The following STAC variants were observed in gnomAD, a reference collection of about 807,000 sequenced individuals.
STAC encodes SH3 and cysteine-rich domain-containing protein.
Under a neutral mutation model 48.8 loss-of-function variants are expected in STAC, and 43 were observed. That is an observed-to-expected ratio of 0.88 (90% CI 0.69 to 1.14). STAC has a LOEUF of 1.14. Ranked by LOEUF, STAC falls within the 50% of genes most tolerant of loss-of-function variation. STAC has a pLI of 0.00. For missense variants in STAC, 497 were observed against 504.0 expected, an observed-to-expected ratio of 0.99 and a Z score of 0.13; for synonymous variants, 193 against 179.5, an observed-to-expected ratio of 1.07 and a Z score of -0.60.
At chr3:36,442,098 C>A (rs1263951617) in intron 1 of STAC, among the ~76,000 whole-genome samples, 1 of 152,164 alleles carries the variant, frequency 6.6e-6, no homozygotes, top group Admixed American at 6.5e-5. Context: ...GCAGATCTCA[C>A]CCCCACAGCC....
chr3:36,454,923 C>A (rs1309575469), intron 2 of STAC, among the ~76,000 whole-genome samples: 2 of 152,124 alleles, frequency 1.3e-5, no homozygotes, highest in Non-Finnish European at 2.9e-5. Context: ...TTTCTTGAAC[C>A]ACTGTGTAGA....
chr3:36,457,685 C>G (rs1194923711), intron 2 of STAC, among the ~76,000 whole-genome samples: 2 of 152,140 alleles, frequency 1.3e-5, no homozygotes, highest in African/African-American at 4.8e-5. Flanking sequence ...ATTATTAATA[C>G]CGGGATCAGG....
rs142441520 is a variant in STAC at position 36,426,111 on chromosome 3, T to C, written c.112-17253T>C. On this transcript the variant is annotated intron_variant, in intron 1 of 10. Transcript: ENST00000273183. ...AATGTATTACTGGGTTGCTCTTTCA[T>C]AGATAAAAGGAATCCAGAGCCCTCC... 1.6e-4 allele frequency among the ~76,000 whole-genome samples: 24 copies of C among 152,304 alleles called. No homozygotes were observed. In the East Asian group the frequency reaches 4.1e-3, roughly 26 times the overall value.
intron 2 of STAC, among the ~76,000 whole-genome samples, chr3:36,481,769 G>C (rs972169479): frequency 3.9e-5 from 6 of 152,148 alleles, no homozygotes; most frequent in Non-Finnish European, 8.8e-5. Context: ...CTCCTCAGTA[G>C]GCTGACAGGA....
At chr3:36,440,933 C>G (rs1026361069) in intron 1 of STAC, among the ~76,000 whole-genome samples, 17 of 152,110 alleles carry the variant, frequency 1.1e-4, no homozygotes, top group African/African-American at 3.9e-4. Flanking sequence ...TTCTTTTTCT[C>G]TTTTTAAATT....
chr3:36,519,015 G>A (rs760008117), intron 8 of STAC, among the ~76,000 whole-genome samples: 5 of 152,162 alleles, frequency 3.3e-5, no homozygotes, highest in South Asian at 2.1e-4. Flanking sequence ...TCAAAGGGAC[G>A]TGAAAGAAGC....
intron 1 of STAC, among the ~76,000 whole-genome samples, chr3:36,424,174 C>G (rs1403281564): frequency 2.0e-5 from 3 of 151,948 alleles, no homozygotes; most frequent in Admixed American, 6.6e-5. Flanking sequence ...TATCAAGTGA[C>G]TATATGGCTG....
At chr3:36,521,416 A>G (rs1028873366) in intron 8 of STAC, among the ~76,000 whole-genome samples, 2 of 152,112 alleles carry the variant, frequency 1.3e-5, no homozygotes, top group African/African-American at 2.4e-5. Flanking sequence ...ACATTTAGTG[A>G]ACATTGCCAT....
At chr3:36,431,697 T>A (rs527548566) in intron 1 of STAC, among the ~76,000 whole-genome samples, 13 of 152,308 alleles carry the variant, frequency 8.5e-5, no homozygotes, top group Admixed American at 4.6e-4. Context: ...GAGAGAGGTT[T>A]ATAAAGCACA....
At position 36,486,183 on chromosome 3, in the gene STAC, C is replaced by T; in HGVS notation, c.621C>T (p.Thr207=). 1 of 1,614,014 alleles carries T rather than the reference C, an allele frequency of 6.2e-7. No homozygotes were observed. The highest frequency in any genetic ancestry group is 8.5e-7 in the Non-Finnish European group (1 of 1,179,954). The change falls in exon 5 of 11, where the codon ACC becomes ACT. Residue 207 remains threonine, a synonymous_variant. Coordinates refer to ENST00000273183, the MANE Select transcript of STAC (RefSeq NM_003149.3). ...TCTACGAGACCCTCCGCTTCGGCAC[C>T]TCCCTGGCCCAGAGGACAAAGAAGG... is the stretch of plus-strand genomic sequence containing the variant. The part of the protein sequence containing the change: ...DPVYETLRFG[T]SLAQRTKKGS...
chr3:36,483,484 C>T (rs1341454960), intron 3 of STAC, among the ~76,000 whole-genome samples: 1 of 152,138 alleles, frequency 6.6e-6, no homozygotes, highest in East Asian at 1.9e-4. Flanking sequence ...GTGGTCAGCT[C>T]AGTGGGTAGC....
Position 36,398,604 on chromosome 3 carries a change from GGAAGGAGGGAAGGAAGAGAA to G in STAC, c.111+17851_111+17870del, listed in dbSNP as rs1284354399. On this transcript the variant is annotated intron_variant, in intron 1 of 10. Transcript: ENST00000273183. The stretch of plus-strand genomic sequence containing the variant: ...AGGAAGGAAGGAAGGAAGGAAGAAA[GGAAGGAGGGAAGGAAGAGAA>G]AAAGAGAGAGAAAGAAAGAAAGAAA... Among the ~76,000 whole-genome samples the G allele has an allele frequency of 3.0e-4, 28 of 94,672 alleles. 2 individuals are homozygous for G. Among genetic ancestry groups the G allele is most frequent in the Non-Finnish European group, 4.4e-4 (22 of 49,628 alleles). The allele number at this position is 94,672 out of a possible 152,430, so 62.1% of individuals were successfully genotyped here. A position where few individuals can be genotyped will look rare whatever the true frequency, so the allele number is the denominator to read the frequency against.
chr3:36,510,603 T>C lies in STAC; in HGVS notation c.920+4769T>C, dbSNP rs145535703. 9.5e-3 allele frequency among the ~76,000 whole-genome samples: 1,440 copies of C among 152,230 alleles called. 27 individuals are homozygous for C. The highest frequency in any genetic ancestry group is 0.033 in the African/African-American group (1,370 of 41,556). The stretch of plus-strand genomic sequence containing the variant: ...TTGGATAAAGAAAATGTTGCACATA[T>C]ACACCATGGAATACTATGCAGCCAT... On this transcript the variant is annotated intron_variant, in intron 8 of 10. Transcript: ENST00000273183.
intron 2 of STAC, among the ~76,000 whole-genome samples, chr3:36,474,722 C>T (rs985103946): frequency 6.6e-6 from 1 of 152,214 alleles, no homozygotes; most frequent in Non-Finnish European, 1.5e-5. Context: ...ATTATATACC[C>T]ATCCCAACTC....
At chr3:36,473,524 C>T (rs1173484936) in intron 2 of STAC, among the ~76,000 whole-genome samples, 1 of 152,170 alleles carries the variant, frequency 6.6e-6, no homozygotes, top group Non-Finnish European at 1.5e-5. Context: ...CCATTTTGTG[C>T]TCATGACAGC....
rs1029258606 is a variant in STAC, at chr3:36,443,213, C to T, written c.112-151C>T. ...TTCCCTCTTTACTAGGCACTGCCAT[C>T]ACCCCACCCACACAGGGACATTTAT... On this transcript the variant is annotated intron_variant, in intron 1 of 10. Coordinates refer to ENST00000273183, the MANE Select transcript of STAC (RefSeq NM_003149.3). This position sits in a 1 kb window ranked among gnomAD's most constrained non-coding sequence, Gnocchi z 4.2. 6.4e-5 allele frequency: 57 copies of T among 885,794 alleles called. No homozygotes were observed. Among genetic ancestry groups the T allele is most frequent in the Non-Finnish European group, 8.8e-5 (52 of 589,864 alleles). The allele number at this position is 885,794 out of a possible 1,614,324, so 54.9% of individuals were successfully genotyped here. A position where few individuals can be genotyped will look rare whatever the true frequency, so the allele number is the denominator to read the frequency against.
At chr3:36,523,247 C>G (rs1698848695) in intron 8 of STAC, among the ~76,000 whole-genome samples, 1 of 152,160 alleles carries the variant, frequency 6.6e-6, no homozygotes, top group African/African-American at 2.4e-5. Context: ...TCAAGAGTTC[C>G]TATAAATCAT....
Position 36,514,204 on chromosome 3 carries a change from CTTTTTTTTTTTTTTTT to C in STAC, c.920+8386_920+8401del, listed in dbSNP as rs765548085. 1.1e-4 allele frequency among the ~76,000 whole-genome samples: 4 copies of C among 36,434 alleles called. No individual in the cohort carries two copies. The Admixed American group carries it at 1.4e-3, about 12-fold the overall frequency. 23.9% of individuals were successfully genotyped at this position (36,434 alleles called of 152,430 possible). On this transcript the variant is annotated intron_variant, in intron 8 of 10. Transcript: ENST00000273183. ...TCTCTGATCCATCTACACTGGCCTT[CTTTTTTTTTTTTTTTT>C]TTTTTTTTTTTTTTTCACAAAAGGA...
At chr3:36,454,210 T>C (rs763575965) in intron 2 of STAC, among the ~76,000 whole-genome samples, 1 of 152,136 alleles carries the variant, frequency 6.6e-6, no homozygotes, top group Non-Finnish European at 1.5e-5. Flanking sequence ...TTGCTACAGC[T>C]AACTCTTTGG....
Sources: gnomAD v4.1 joint callset for allele counts (sites outside exome capture counted in the v4.1 genomes callset) on GRCh38, gnomAD v4.1.1 for gene constraint, Gnocchi (gnomAD v3.1) non-coding constraint, MANE v1.5 for transcripts, NCBI Gene and HGNC (gene_info 2026-07-23, HGNC 2026-07-21) for gene names.